Variants in DOCK8 observed in about 807,000 individuals in gnomAD.
The protein encoded by DOCK8 is dedicator of cytokinesis protein 8.
A neutral mutation model predicts 245.6 loss-of-function variants in DOCK8; 141 were observed. The observed-to-expected ratio is 0.57, with a 90% CI of 0.50 to 0.66. The LOEUF (loss-of-function observed/expected upper bound fraction) is 0.66, where lower values mean the gene tolerates loss of function less well. DOCK8 is among the 30% of genes least tolerant of loss of function. The probability of loss-of-function intolerance (pLI) is 0.00; values close to 1 mark genes in which losing one functional copy is unlikely to be tolerated. For missense variants in DOCK8, 2,965 were observed against 2,603.4 expected (o/e 1.14, Z -3.02); for synonymous variants, 1,168 against 970.2 (o/e 1.20, Z -3.79).
Position 420,996 on chromosome 9 carries a change from A to G in DOCK8, c.4071A>G (p.Ser1357=). Residue 1357 remains serine, a synonymous_variant, in exon 32 of 48, where the codon TCA becomes TCG. Transcript: ENST00000432829. Reference sequence around the variant, plus strand: ...TCAGTACCCAAGTCCTGCAGAAGTCAAGGGATGTCAAGGCCCGGCTGGAAG... The same window carrying G: ...TCAGTACCCAAGTCCTGCAGAAGTCGAGGGATGTCAAGGCCCGGCTGGAAG... ...DKVSTQVLQK[S]RDVKARLEEA... is the part of the protein sequence containing the mutation. The G allele has an allele frequency of 6.2e-7, 1 of 1,614,190 alleles. No individual in the cohort carries two copies. The highest frequency in any genetic ancestry group is 8.5e-7 in the Non-Finnish European group (1 of 1,180,018).
chr9:441,950 G>A lies in DOCK8; in HGVS notation c.5431G>A (p.Glu1811Lys). 2.5e-6 allele frequency: 4 copies of A among 1,614,086 alleles called. No homozygotes were observed. Among genetic ancestry groups the A allele is most frequent in the Non-Finnish European group, 3.4e-6 (4 of 1,180,012 alleles). The change falls in exon 42 of 48, where the codon GAG becomes AAG. Residue 1811 changes from glutamate (E) to lysine (K), a missense_variant. Transcript: ENST00000432829. ...GSKFGDLDEQ[E>K]FVYKEPAITK... ...CAAATTTGGGGATTTGGATGAACAG[G>A]AGTTTGTCTACAAAGAGCCTGCAAT... is the stretch of plus-strand genomic sequence containing the variant.
At chr9:248,217 G>A (rs1384414227) in intron 1 of DOCK8, among the ~76,000 whole-genome samples, 1 of 152,186 alleles carries the variant, frequency 6.6e-6, no homozygotes, top group Admixed American at 6.5e-5. Context: ...CCAGGGCTCA[G>A]GTCTCTTGTT....
At position 399,160 on chromosome 9, in the gene DOCK8, G is replaced by T. The variant is rs771650333; in HGVS notation, c.3135G>T (p.Ala1045=). Residue 1045 remains alanine (A), a synonymous_variant, in exon 26 of 48, where the codon GCG becomes GCT. Transcript: ENST00000432829. The stretch of plus-strand genomic sequence containing the variant: ...TTGTTTTTAAGGAAAATGAACAGGC[G>T]GAAAAGATGAACATCAGCCTGGCTT... ...LVKPQKENEQ[A]EKMNISLAFF... 1 of 1,613,806 alleles carries T rather than the reference G, an allele frequency of 6.2e-7. No homozygotes were observed. Among genetic ancestry groups the T allele is most frequent in the Non-Finnish European group, 8.5e-7 (1 of 1,179,974 alleles).
At chr9:338,846 A>C (rs1433783532) in intron 12 of DOCK8, among the ~76,000 whole-genome samples, 160 bp from the exon 13 acceptor site, 1 of 152,204 alleles carries the variant, frequency 6.6e-6, no homozygotes, top group Admixed American at 6.5e-5. Context: ...GGATTTAACA[A>C]GAAGTGGAGC....
chr9:339,040 A>G lies in DOCK8; in HGVS notation c.1457A>G (p.Lys486Arg). Reference sequence around the variant, plus strand: ...CGCCTTAGCGATGAAGACTTATTCAAGTTTTTAGCTGACTACAAAAGATCA... The same window carrying G: ...CGCCTTAGCGATGAAGACTTATTCAGGTTTTTAGCTGACTACAAAAGATCA... ...GDRLSDEDLF[K>R]FLADYKRSSS... Residue 486 changes from lysine (K) to arginine (R), a missense_variant, in exon 13 of 48, where the codon AAG (lysine) becomes AGG (arginine). By Grantham distance (26) the Lys-to-Arg change is conservative. Coordinates refer to ENST00000432829, the MANE Select transcript of DOCK8 (RefSeq NM_203447.4). 3.1e-6 allele frequency: 5 copies of G among 1,614,156 alleles called. No homozygotes were observed. The highest frequency in any genetic ancestry group is 4.2e-6 in the Non-Finnish European group (5 of 1,180,018).
intron 1 of DOCK8, among the ~76,000 whole-genome samples, chr9:253,421 AAGACCACAGTCTAC>A (rs1397115335): frequency 2.4e-4 from 36 of 152,120 alleles, no homozygotes; most frequent in African/African-American, 8.2e-4. Flanking sequence ...TTTAGGAAAA[AAGACCACAGTCTAC>A]TTTCCTAAGC....
At chr9:302,327 T>G (rs967348963) in intron 4 of DOCK8, among the ~76,000 whole-genome samples, 1 of 152,208 alleles carries the variant, frequency 6.6e-6, no homozygotes, top group African/African-American at 2.4e-5. Flanking sequence ...CCCCTCCTTT[T>G]AATCATATAC....
At chr9:230,414 C>G (rs919474088) in intron 1 of DOCK8, among the ~76,000 whole-genome samples, 1 of 151,992 alleles carries the variant, frequency 6.6e-6, no homozygotes, top group African/African-American at 2.4e-5. Context: ...GGGAATATAC[C>G]CAGTAATAGG....
intron 29 of DOCK8, among the ~76,000 whole-genome samples, chr9:417,283 A>AAAATAAAT (rs750954900): frequency 6.6e-6 from 1 of 152,210 alleles, no homozygotes; most frequent in African/African-American, 2.4e-5. Context: ...ACTTTGTCTA[A>AAAATAAAT]AAATAAATAA....
In DOCK8 at chr9:325,658, CT is replaced by C; in HGVS notation, c.828-10del. ...CTCAAAGCCACATAGATTTTCCTCTCTTTCTATGGTAGGTTCGAGATTGAAA... is the reference window on the plus strand; with the variant it reads ...CTCAAAGCCACATAGATTTTCCTCTCTTCTATGGTAGGTTCGAGATTGAAA... On this transcript the variant is annotated splice_polypyrimidine_tract_variant and intron_variant, in intron 7 of 47. Coordinates refer to ENST00000432829, the MANE Select transcript of DOCK8 (RefSeq NM_203447.4). 6.2e-7 allele frequency: 1 copy of C among 1,612,398 alleles called. No homozygotes were observed. Among genetic ancestry groups the C allele is most frequent in the Non-Finnish European group, 8.5e-7 (1 of 1,178,450 alleles).
At chr9:463,771 A>T (rs1161140704) in intron 47 of DOCK8, 84 bp downstream of exon 47, 1 of 1,522,200 alleles carries the variant, frequency 6.6e-7, no homozygotes, top group African/African-American at 1.4e-5. Context: ...GCTCTGCTGC[A>T]CTTGGGGAGC....
chr9:239,647 T>C (rs984648350), intron 1 of DOCK8, among the ~76,000 whole-genome samples: 1 of 152,208 alleles, frequency 6.6e-6, no homozygotes, highest in African/African-American at 2.4e-5. Context: ...ATATAAATTA[T>C]AGAAAAGTCA....
At chr9:449,282 G>A (rs566324260) in intron 44 of DOCK8, among the ~76,000 whole-genome samples, 297 of 152,196 alleles carry the variant, frequency 2.0e-3, no homozygotes, top group African/African-American at 6.7e-3. Context: ...CCCGGGAGGC[G>A]GAGATTGCAG....
chr9:353,472 AC>A (rs1332561296), intron 14 of DOCK8, among the ~76,000 whole-genome samples: 3 of 152,204 alleles, frequency 2.0e-5, no homozygotes, highest in Non-Finnish European at 4.4e-5. Context: ...TAAAGGATCT[AC>A]CCCAAATAAC....
chr9:454,176 C>T (rs1054293345), intron 46 of DOCK8: 1 of 152,148 alleles, frequency 6.6e-6, no homozygotes, highest in African/African-American at 2.4e-5. Flanking sequence ...GGAAGAAAGG[C>T]GCTAGTGGGG....
chr9:248,040 A>T (rs1345316811), intron 1 of DOCK8, among the ~76,000 whole-genome samples: 1 of 152,114 alleles, frequency 6.6e-6, no homozygotes, highest in African/African-American at 2.4e-5. Context: ...TTGTGTTGAA[A>T]CTTTAATATG....
In DOCK8 at chr9:400,902, C is replaced by CCA; in HGVS notation, c.3234+1643_3234+1644insCA. ...ACCTCCACCACCACCACCTCCCCCA[C>CCA]TACCAACAGCTCCTTCACCATCACC... On this transcript the variant is annotated intron_variant, in intron 26 of 47. Coordinates refer to ENST00000432829, the MANE Select transcript of DOCK8 (RefSeq NM_203447.4). 3.6e-5 allele frequency among the ~76,000 whole-genome samples: 4 copies of CCA among 111,286 alleles called. No homozygotes were observed. In the Admixed American group the frequency reaches 3.7e-4, roughly 10 times the overall value. The allele number at this position is 111,286 out of a possible 152,430, so 73.0% of individuals were successfully genotyped here.
At position 446,417 on chromosome 9, in the gene DOCK8, G is replaced by A. The variant is rs933774033; in HGVS notation, c.5628G>A (p.Glu1876=). Residue 1876 remains glutamate (E), a synonymous_variant, in exon 44 of 48, where the codon GAG becomes GAA. Transcript: ENST00000432829. ...TFVEPYFDEY[E]MKDRVTYFEK... ...TGGAGCCCTACTTTGATGAGTATGAGATGAAAGACAGGGTCACATACTTTG... is the reference window on the plus strand; with the variant it reads ...TGGAGCCCTACTTTGATGAGTATGAAATGAAAGACAGGGTCACATACTTTG... 3.7e-6 allele frequency: 6 copies of A among 1,614,104 alleles called. No individual in the cohort carries two copies. Among genetic ancestry groups the A allele is most frequent in the African/African-American group, 1.3e-5 (1 of 74,924 alleles).
intron 20 of DOCK8, among the ~76,000 whole-genome samples, chr9:378,244 A>G (rs1356306999): frequency 6.6e-6 from 1 of 152,238 alleles, no homozygotes; most frequent in Non-Finnish European, 1.5e-5. Context: ...GGAGGTCCAC[A>G]TAAAGAGATG....
Sources: gnomAD v4.1 joint callset for allele counts (sites outside exome capture counted in the v4.1 genomes callset) on GRCh38, gnomAD v4.1.1 for gene constraint, MANE v1.5 for transcripts, NCBI Gene and HGNC (gene_info 2026-07-23, HGNC 2026-07-21) for gene names.